The following EXOC4 variants were observed in gnomAD, a reference collection of about 807,000 sequenced individuals.
EXOC4 encodes SEC8-like 1.
Under a neutral mutation model 107.2 loss-of-function variants are expected in EXOC4, and 71 were observed. The observed-to-expected ratio is 0.66, with a 90% CI of 0.55 to 0.81. EXOC4 has a LOEUF of 0.81. Among genes scored for constraint, EXOC4 ranks in the 30% least tolerant of loss-of-function variants. EXOC4 has a pLI of 0.00. For synonymous variants in EXOC4, 456 were observed against 441.2 expected (o/e 1.03, Z -0.42); for missense variants, 1,108 against 1,189.6 (o/e 0.93, Z 1.01).
chr7:133,565,428 C>T (rs1211235306), intron 9 of EXOC4, among the ~76,000 whole-genome samples: 4 of 152,100 alleles, frequency 2.6e-5, no homozygotes, highest in African/African-American at 9.7e-5. Context: ...ACAGATGCTA[C>T]CTACTCAAAG....
At chr7:133,644,296 C>T (rs534177445) in intron 10 of EXOC4, among the ~76,000 whole-genome samples, 6 of 152,152 alleles carry the variant, frequency 3.9e-5, no homozygotes, top group African/African-American at 9.7e-5. Context: ...CTGTCCATTA[C>T]GGTAGCTATG....
At chr7:133,450,660 C>T (rs1194895878) in intron 7 of EXOC4, among the ~76,000 whole-genome samples, 3 of 152,208 alleles carry the variant, frequency 2.0e-5, no homozygotes, top group Non-Finnish European at 4.4e-5. Flanking sequence ...TTCATGTACA[C>T]ATATGCCAGC....
At chr7:133,364,784 A>C (rs911046584) in intron 6 of EXOC4, among the ~76,000 whole-genome samples, 2 of 152,200 alleles carry the variant, frequency 1.3e-5, no homozygotes, top group African/African-American at 4.8e-5. Context: ...GAGCCTCACC[A>C]CTTGCCTCCT....
intron 10 of EXOC4, among the ~76,000 whole-genome samples, chr7:133,738,110 C>T (rs1795487237): frequency 1.3e-5 from 2 of 151,692 alleles, no homozygotes; most frequent in South Asian, 2.1e-4. Context: ...CAGGATTTCA[C>T]CACGTGGGTC....
intron 5 of EXOC4, among the ~76,000 whole-genome samples, chr7:133,344,614 C>T (rs1795743505): frequency 1.3e-5 from 2 of 152,168 alleles, no homozygotes; most frequent in South Asian, 4.1e-4. Flanking sequence ...GGGCATTTCT[C>T]TCTACTTTTT....
intron 9 of EXOC4, among the ~76,000 whole-genome samples, chr7:133,625,237 AAGG>A (rs1802425977): frequency 6.6e-6 from 1 of 152,210 alleles, no homozygotes; most frequent in Admixed American, 6.5e-5. Context: ...TCTAATGGAA[AAGG>A]AGAAGAGCAT....
chr7:133,266,490 T>C (rs1048176455), intron 1 of EXOC4, among the ~76,000 whole-genome samples: 2 of 152,246 alleles, frequency 1.3e-5, no homozygotes, highest in Admixed American at 6.5e-5. Context: ...GTCTTGAGGC[T>C]CGGGCAAGAG....
chr7:133,663,979 A>T (rs1317789562), intron 10 of EXOC4, among the ~76,000 whole-genome samples: 1 of 152,132 alleles, frequency 6.6e-6, no homozygotes, highest in South Asian at 2.1e-4. Context: ...TGCATTTTCT[A>T]CAATCTTCTC....
intron 10 of EXOC4, among the ~76,000 whole-genome samples, chr7:133,700,471 T>C (rs1476032658): frequency 1.3e-5 from 2 of 152,210 alleles, no homozygotes; most frequent in African/African-American, 2.4e-5. Flanking sequence ...TCGACTCTGA[T>C]ATGCTCTATA....
Position 133,811,071 on chromosome 7 carries a change from C to T in EXOC4, c.1515-6254C>T, listed in dbSNP as rs114671306. On this transcript the variant is annotated intron_variant, in intron 10 of 17. Coordinates refer to ENST00000253861, the MANE Select transcript of EXOC4 (RefSeq NM_021807.4). ...GGGTCCTCAAAATCCTGTGATGAGA[C>T]GCTCCCCATACAGCATTATGTATAC... Among the ~76,000 whole-genome samples, 724 of 152,150 alleles carry T rather than the reference C, an allele frequency of 4.8e-3. 7 individuals are homozygous for T. Among genetic ancestry groups the T allele is most frequent in the African/African-American group, 0.017 (685 of 41,502 alleles).
intron 14 of EXOC4, among the ~76,000 whole-genome samples, chr7:133,945,939 C>T (rs534023638): frequency 2.0e-5 from 3 of 152,282 alleles, no homozygotes; most frequent in Middle Eastern, 3.4e-3. Context: ...GGGAATCTGT[C>T]GTGTTTCAGG....
intron 12 of EXOC4, among the ~76,000 whole-genome samples, chr7:133,910,464 T>A (rs1436554268): frequency 6.6e-6 from 1 of 152,226 alleles, no homozygotes; most frequent in Non-Finnish European, 1.5e-5. Context: ...TCAGAAGTTG[T>A]CATTCTCAGG....
intron 10 of EXOC4, among the ~76,000 whole-genome samples, chr7:133,673,626 C>A (rs776976165): frequency 3.3e-5 from 5 of 152,316 alleles, no homozygotes; most frequent in Non-Finnish European, 7.4e-5. Context: ...TCTGCCTTAC[C>A]TTCCATTCTG....
At chr7:133,256,228 G>A (rs755693891) in intron 1 of EXOC4, among the ~76,000 whole-genome samples, 3 of 152,176 alleles carry the variant, frequency 2.0e-5, no homozygotes, top group East Asian at 1.9e-4. Context: ...TGATCCACCC[G>A]CCTTGGCCTC....
intron 7 of EXOC4, among the ~76,000 whole-genome samples, chr7:133,420,043 A>AT (rs1797567626): frequency 6.8e-6 from 1 of 146,334 alleles, no homozygotes; most frequent in Admixed American, 6.8e-5. Flanking sequence ...ATATGTATAC[A>AT]TGTGCCATGC....
chr7:133,864,361 T>C (rs1171635300), intron 11 of EXOC4, among the ~76,000 whole-genome samples: 1 of 152,194 alleles, frequency 6.6e-6, no homozygotes, highest in Non-Finnish European at 1.5e-5. Flanking sequence ...GCCCAGGATC[T>C]AATATCCAGA....
At chr7:133,785,816 G>T (rs537748336) in intron 10 of EXOC4, among the ~76,000 whole-genome samples, 1 of 152,200 alleles carries the variant, frequency 6.6e-6, no homozygotes, top group Admixed American at 6.5e-5. Flanking sequence ...GGGACTACAG[G>T]TGCCCGCCAC....
At chr7:133,687,124 C>A (rs1794322098) in intron 10 of EXOC4, among the ~76,000 whole-genome samples, 2 of 151,762 alleles carry the variant, frequency 1.3e-5, no homozygotes, top group African/African-American at 4.8e-5. Context: ...AAACTTGAGA[C>A]TATTATTGTA....
chr7:133,490,998 G>T (rs986218557), intron 9 of EXOC4, among the ~76,000 whole-genome samples: 1 of 152,156 alleles, frequency 6.6e-6, no homozygotes, highest in African/African-American at 2.4e-5. Context: ...AGTACCTTGC[G>T]TTAAAAATAG....
Sources: gnomAD v4.1 joint callset for allele counts (sites outside exome capture counted in the v4.1 genomes callset) on GRCh38, gnomAD v4.1.1 for gene constraint, MANE v1.5 for transcripts, NCBI Gene and HGNC (gene_info 2026-07-23, HGNC 2026-07-21) for gene names.